AKAP11: variants seen among roughly 807,000 people sequenced by gnomAD.
AKAP11 encodes the protein A-kinase anchor protein 11.
Under a neutral mutation model 146.1 loss-of-function variants are expected in AKAP11, and 36 were observed. That is an observed-to-expected ratio of 0.25 (90% CI 0.19 to 0.33). AKAP11 has a LOEUF of 0.33. Ranked by LOEUF, AKAP11 falls within the 10% of genes least tolerant of loss-of-function variation. The probability of loss-of-function intolerance (pLI) is 1.00; values close to 1 mark genes in which losing one functional copy is unlikely to be tolerated. For missense variants in AKAP11, 2,201 were observed against 2,197.0 expected, an observed-to-expected ratio of 1.00 and a Z score of -0.04; for synonymous variants, 780 against 786.5, an observed-to-expected ratio of 0.99 and a Z score of 0.14.
At chr13:42,289,105 C>T (rs1223402131) in intron 3 of AKAP11, among the ~76,000 whole-genome samples, 2 of 152,022 alleles carry the variant, frequency 1.3e-5, no homozygotes, top group Non-Finnish European at 2.9e-5. Context: ...CCTTTTTTTC[C>T]CCCAACAACC....
At chr13:42,303,887 T>G (rs917770338) in intron 8 of AKAP11, 24 bp downstream of exon 8, 9 of 1,536,950 alleles carry the variant, frequency 5.9e-6, no homozygotes, top group Non-Finnish European at 7.8e-6. Flanking sequence ...TTCTTTTGGT[T>G]GTTAATGATA....
chr13:42,319,515 G>A lies in AKAP11; in HGVS notation c.*287G>A, dbSNP rs966033620. 4 of 271,668 alleles carry A rather than the reference G, an allele frequency of 1.5e-5. No individual in the cohort carries two copies. Among genetic ancestry groups the A allele is most frequent in the Non-Finnish European group, 2.7e-5 (4 of 147,190 alleles). The allele number at this position is 271,668 out of a possible 1,614,324, so 16.8% of individuals were successfully genotyped here. ...AGGTCTAACCAGGGGGTTTTCAGGG[G>A]CATTGTCTGACCACATTCTTTTTGT... On this transcript the variant is annotated 3_prime_UTR_variant, in exon 13 of 13. Transcript: ENST00000025301.
chr13:42,319,261 G>C lies in AKAP11; in HGVS notation c.*33G>C. On this transcript the variant is annotated 3_prime_UTR_variant, in exon 13 of 13. Coordinates refer to ENST00000025301, the MANE Select transcript of AKAP11 (RefSeq NM_016248.4). ...CCCAAACCAGTATATTTTAGTATTT[G>C]TTTGGGGAGGGGAACAAGCCAATAA... 6.3e-7 allele frequency: 1 copy of C among 1,599,950 alleles called. No individual in the cohort carries two copies. The highest frequency in any genetic ancestry group is 8.5e-7 in the Non-Finnish European group (1 of 1,174,542).
chr13:42,277,237 G>A (rs1206136917), intron 1 of AKAP11, among the ~76,000 whole-genome samples: 1 of 152,182 alleles, frequency 6.6e-6, no homozygotes, highest in East Asian at 1.9e-4. Context: ...TCATTTGAGG[G>A]CATATATCCT....
rs555059217 is a variant in AKAP11 at position 42,308,494 on chromosome 13, A to G, written c.5158A>G (p.Ser1720Gly). 6 of 1,610,508 alleles carry G rather than the reference A, an allele frequency of 3.7e-6. No individual in the cohort carries two copies. In the East Asian group the frequency reaches 1.3e-4, roughly 36 times the overall value. ...AGACTTTCAGTCAACCGAGTCTGTCAGTAGCCAGCAGATGAACCTCAGTAT... is the reference window on the plus strand; with the variant it reads ...AGACTTTCAGTCAACCGAGTCTGTCGGTAGCCAGCAGATGAACCTCAGTAT... ...IEDFQSTESV[S>G]SQQMNLSIGD... The change falls in exon 9 of 13, where the codon AGT (serine) becomes GGT (glycine). Residue 1720 changes from serine (S) to glycine (G), a missense_variant. Transcript: ENST00000025301.
Position 42,299,940 on chromosome 13 carries a change from T to G in AKAP11, c.1194T>G (p.Pro398=). 1.2e-6 allele frequency: 2 copies of G among 1,613,972 alleles called. No homozygotes were observed. Among genetic ancestry groups the G allele is most frequent in the Non-Finnish European group, 1.7e-6 (2 of 1,179,872 alleles). ...GHKHGKSCMN[P]QKFKFDRPAL... is the part of the protein sequence containing the mutation. ...AACATGGAAAGTCATGTATGAATCC[T>G]CAAAAATTCAAGTTTGATCGTCCAG... Residue 398 remains proline (P), a synonymous_variant, in exon 8 of 13, where the codon CCT becomes CCG. Coordinates refer to ENST00000025301, the MANE Select transcript of AKAP11 (RefSeq NM_016248.4).
chr13:42,321,856 G>A lies in AKAP11; in HGVS notation c.*2628G>A, dbSNP rs41288313. Reference sequence around the variant, plus strand: ...AACTGTTAAAGTTTTGATGTACATCGAGCTGAATTCTGTTTTTACCAGTTT... The same window carrying A: ...AACTGTTAAAGTTTTGATGTACATCAAGCTGAATTCTGTTTTTACCAGTTT... On this transcript the variant is annotated 3_prime_UTR_variant, in exon 13 of 13. Transcript: ENST00000025301. 0.12 allele frequency: 18,657 copies of A among 152,216 alleles called. 1,245 individuals are homozygous for A. Among genetic ancestry groups the A allele is most frequent in the African/African-American group, 0.14 (5,757 of 41,488 alleles). 9.4% of individuals were successfully genotyped at this position (152,216 alleles called of 1,614,324 possible). A position where few individuals can be genotyped will look rare whatever the true frequency, so the allele number is the denominator to read the frequency against.
rs971452820 is a variant in AKAP11 at position 42,299,531 on chromosome 13, C to T, written c.785C>T (p.Pro262Leu). The part of the protein sequence containing the change: ...SVNVLGHKEL[P>L]SVKTSVTTSI... The stretch of plus-strand genomic sequence containing the variant: ...AATGTCCTGGGACATAAAGAACTAC[C>T]TTCTGTGAAAACTTCAGTCACAACA... Residue 262 changes from proline to leucine, a missense_variant, in exon 8 of 13, where the codon CCT becomes CTT. Around this residue, in one of 3 missense-constraint regions of AKAP11, gnomAD observed 331 missense variants for 347.4 expected, o/e 0.95. Coordinates refer to ENST00000025301, the MANE Select transcript of AKAP11 (RefSeq NM_016248.4). 2.5e-6 allele frequency: 4 copies of T among 1,613,834 alleles called. No homozygotes were observed. The highest frequency in any genetic ancestry group is 1.3e-5 in the African/African-American group (1 of 74,902).
At chr13:42,279,281 A>T (rs111742050) in intron 1 of AKAP11, among the ~76,000 whole-genome samples, 234 of 146,676 alleles carry the variant, frequency 1.6e-3, no homozygotes, top group South Asian at 5.3e-3. Context: ...ACACACACAC[A>T]CTCTCTCTCT....
intron 11 of AKAP11, 29 bp downstream of exon 11, chr13:42,313,969 G>A (rs1393077022): frequency 1.2e-6 from 2 of 1,611,636 alleles, no homozygotes; most frequent in East Asian, 4.5e-5. Flanking sequence ...CAAAGTGTTG[G>A]CATGTGTTTT....
At chr13:42,279,270 C>CACACAG in intron 1 of AKAP11, among the ~76,000 whole-genome samples, 1 of 150,352 alleles carries the variant, frequency 6.7e-6, no homozygotes, top group Non-Finnish European at 1.5e-5. Flanking sequence ...CACCCACACA[C>CACACAG]ACACACACAC....
At chr13:42,294,434 G>A (rs778847815) in intron 4 of AKAP11, among the ~76,000 whole-genome samples, 1 of 151,460 alleles carries the variant, frequency 6.6e-6, no homozygotes, top group Non-Finnish European at 1.5e-5. Context: ...ACATAGTCTT[G>A]CCCTGCTGCC....
intron 8 of AKAP11, 130 bp from the exon 9 acceptor site, chr13:42,308,324 A>AGGC (rs1960381865): frequency 2.8e-6 from 2 of 708,718 alleles, no homozygotes; most frequent in African/African-American, 3.6e-5. Flanking sequence ...AAAGGATTAC[A>AGGC]TGAGCCACTG....
chr13:42,299,607 T>A lies in AKAP11; in HGVS notation c.861T>A (p.Ala287=). The A allele has an allele frequency of 6.2e-7, 1 of 1,613,998 alleles. No individual in the cohort carries two copies. Among genetic ancestry groups the A allele is most frequent in the Non-Finnish European group, 8.5e-7 (1 of 1,179,896 alleles). Residue 287 remains alanine, a synonymous_variant, in exon 8 of 13, where the codon GCT becomes GCA. Transcript: ENST00000025301. ...TQRSFYRSSN[A]SDKDSDLQKT... The stretch of plus-strand genomic sequence containing the variant: ...GGAGTTTCTATAGGTCATCTAATGC[T>A]TCAGATAAAGATAGTGATTTACAGA...
chr13:42,297,788 T>G (rs1203787204), intron 6 of AKAP11, among the ~76,000 whole-genome samples: 1 of 152,012 alleles, frequency 6.6e-6, no homozygotes, highest in East Asian at 1.9e-4. Context: ...AAAATTTGGA[T>G]TATTTTAGTT....
chr13:42,287,209 A>G (rs527330402), intron 3 of AKAP11, among the ~76,000 whole-genome samples: 1 of 152,314 alleles, frequency 6.6e-6, no homozygotes, highest in African/African-American at 2.4e-5. Flanking sequence ...TTGACTGCTA[A>G]GTCTAAGAGG....
rs769284949 is a variant in AKAP11 at position 42,295,695 on chromosome 13, G to A, written c.169G>A (p.Val57Ile). The change falls in exon 5 of 13, where the codon GTC (valine) becomes ATC (isoleucine). Residue 57 changes from valine (V) to isoleucine (I), a missense_variant and splice_region_variant. This residue lies in a region of AKAP11 where 331 missense variants were observed against 347.4 expected (regional missense o/e 0.95). Coordinates refer to ENST00000025301, the MANE Select transcript of AKAP11 (RefSeq NM_016248.4). ...QQDEHANLTE[V>I]TFLGFNEETD... ...GGAGGTTTATTTGTTCTTTACTCAG[G>A]TCACATTTCTGGGTTTTAATGAAGA... 4.3e-6 allele frequency: 7 copies of A among 1,612,286 alleles called. No individual in the cohort carries two copies. Among genetic ancestry groups the A allele is most frequent in the Non-Finnish European group, 5.9e-6 (7 of 1,179,270 alleles).
rs545452568 is a variant in AKAP11 at position 42,314,474 on chromosome 13, A to G, written c.5404+534A>G. Reference sequence around the variant, plus strand: ...AAAAAAAAAAAAAAAAAAAAAAGGAATACTTTATGAGAATTATTTGACTAT... The same window carrying G: ...AAAAAAAAAAAAAAAAAAAAAAGGAGTACTTTATGAGAATTATTTGACTAT... On this transcript the variant is annotated intron_variant, in intron 11 of 12. Coordinates refer to ENST00000025301, the MANE Select transcript of AKAP11 (RefSeq NM_016248.4). Among the ~76,000 whole-genome samples, 10 of 149,798 alleles carry G rather than the reference A, an allele frequency of 6.7e-5. No homozygotes were observed. In the East Asian group the frequency reaches 2.0e-3, roughly 29 times the overall value.
chr13:42,315,620 G>T (rs541570490), intron 11 of AKAP11, among the ~76,000 whole-genome samples: 1 of 152,290 alleles, frequency 6.6e-6, no homozygotes, highest in African/African-American at 2.4e-5. Context: ...TCTTGAAAAA[G>T]ATTACTTTTG....
Sources: allele counts gnomAD v4.1 joint callset (sites outside exome capture counted in the v4.1 genomes callset), GRCh38; gene constraint gnomAD v4.1.1; regional missense constraint gnomAD v4.1.1; transcripts MANE v1.5; gene names NCBI Gene and HGNC (gene_info 2026-07-23, HGNC 2026-07-21).